The following NFATC1 variants were observed in gnomAD, a reference collection of about 807,000 sequenced individuals.
The protein encoded by NFATC1 is nuclear factor of activated T cells 1, also known as nuclear factor of activated T-cells, cytoplasmic 1.
A neutral mutation model predicts 76.0 loss-of-function variants in NFATC1; 22 were observed. That is an observed-to-expected ratio of 0.29 (90% CI 0.21 to 0.41). NFATC1 has a LOEUF of 0.41. Ranked by LOEUF, NFATC1 falls within the 10% of genes least tolerant of loss-of-function variation. The pLI is 1.00. For missense variants in NFATC1, 1,357 were observed against 1,337.7 expected (o/e 1.01, Z -0.23); for synonymous variants, 704 against 613.1 (o/e 1.15, Z -2.19).
At chr18:79,400,448 G>A (rs1422179608) in intron 1 of NFATC1, 2 of 1,491,044 alleles carry the variant, frequency 1.3e-6, no homozygotes, top group Admixed American at 2.3e-5. Context: ...AGTTTAACCA[G>A]CGCGACGAGG....
At chr18:79,400,435 T>C in intron 1 of NFATC1, 2 of 1,494,824 alleles carry the variant, frequency 1.3e-6, no homozygotes, top group Non-Finnish European at 1.8e-6. Context: ...GAGTTCCTCT[T>C]CGAGTTTAAC....
chr18:79,406,233 A>G (rs4321258), intron 1 of NFATC1, among the ~76,000 whole-genome samples: 2 of 152,254 alleles, frequency 1.3e-5, no homozygotes, highest in Non-Finnish European at 2.9e-5. Flanking sequence ...CTGTGGGATC[A>G]GCTGTCTTGG....
At chr18:79,399,535 C>A (rs904164785) in intron 1 of NFATC1, among the ~76,000 whole-genome samples, 1 of 152,168 alleles carries the variant, frequency 6.6e-6, no homozygotes, top group East Asian at 1.9e-4. Context: ...GAGAGGCAGG[C>A]CCAGGGCGGC....
chr18:79,427,669 G>A (rs2086418326), intron 2 of NFATC1, among the ~76,000 whole-genome samples: 4 of 104,702 alleles, frequency 3.8e-5, no homozygotes, highest in Admixed American at 9.3e-5. Context: ...GCCTCTGTGT[G>A]GTGTGGGGGC....
chr18:79,486,212 C>G (rs749683305), intron 8 of NFATC1, 36 bp from the exon 9 acceptor site: 10 of 1,575,850 alleles, frequency 6.3e-6, no homozygotes, highest in Non-Finnish European at 6.1e-6. Context: ...TCATTCGCAA[C>G]TTGTGTTTAT....
intron 3 of NFATC1, among the ~76,000 whole-genome samples, chr18:79,436,242 C>T (rs1008644635): frequency 5.9e-5 from 9 of 152,202 alleles, no homozygotes; most frequent in African/African-American, 2.2e-4. Context: ...GGCCTGGGGG[C>T]GCGAGGACGA....
At chr18:79,406,900 G>A (rs1309237218) in intron 1 of NFATC1, among the ~76,000 whole-genome samples, 3 of 152,328 alleles carry the variant, frequency 2.0e-5, no homozygotes, top group Admixed American at 2.0e-4. Context: ...GCAGACGTCA[G>A]GGCTGGCCTG....
chr18:79,427,866 G>A (rs866345221), intron 2 of NFATC1, among the ~76,000 whole-genome samples: 16 of 145,100 alleles, frequency 1.1e-4, no homozygotes, highest in African/African-American at 3.8e-4. Flanking sequence ...AGGGGGAGCT[G>A]GACGGCTGGC....
chr18:79,427,124 G>C (rs545438843), intron 2 of NFATC1, among the ~76,000 whole-genome samples: 3 of 152,280 alleles, frequency 2.0e-5, no homozygotes, highest in East Asian at 3.9e-4. Context: ...GTCTTGGCAG[G>C]GGGGCCCGGG....
intron 3 of NFATC1, among the ~76,000 whole-genome samples, chr18:79,441,686 C>T (rs935255691): frequency 7.2e-5 from 11 of 152,074 alleles, no homozygotes; most frequent in Non-Finnish European, 1.3e-4. Flanking sequence ...TCAGGCGACG[C>T]GACTCTCAGT....
In NFATC1 at chr18:79,469,409, C is replaced by T. The variant is rs74949301; in HGVS notation, c.2092+1827C>T. ...AGAGGCAGAAGGGGCGTGCGGGGAG[C>T]GTGCCTGCCCTTCACAGGTGGGAGG... On this transcript the variant is annotated intron_variant, in intron 8 of 9. Coordinates refer to ENST00000427363, the MANE Select transcript of NFATC1 (RefSeq NM_001278669.2). 8.1e-6 allele frequency: 8 copies of T among 985,408 alleles called. No homozygotes were observed. In the East Asian group the frequency reaches 4.5e-4, roughly 56 times the overall value. The allele number at this position is 985,408 out of a possible 1,614,324, so 61.0% of individuals were successfully genotyped here.
chr18:79,433,690 C>G lies in NFATC1; in HGVS notation c.1338C>G (p.Gly446=). The part of the protein sequence containing the change: ...SHHRAHYETE[G]SRGAVKASAG... ...ACCGAGCCCACTACGAGACGGAGGG[C>G]AGCCGGGGGGCCGTGAAGGCGTCGG... Residue 446 remains glycine (G), a synonymous_variant, in exon 3 of 10, where the codon GGC becomes GGG. Coordinates refer to ENST00000427363, the MANE Select transcript of NFATC1 (RefSeq NM_001278669.2). 6.2e-7 allele frequency: 1 copy of G among 1,613,196 alleles called. No individual in the cohort carries two copies. The highest frequency in any genetic ancestry group is 2.2e-5 in the East Asian group (1 of 44,868).
chr18:79,528,932 G>T lies in NFATC1; in HGVS notation c.*1355G>T, dbSNP rs773945975. On this transcript the variant is annotated 3_prime_UTR_variant, in exon 10 of 10. Transcript: ENST00000427363. The stretch of plus-strand genomic sequence containing the variant: ...ATTGAAACACGGTTGACCTGAACTC[G>T]TGCCTTAGGAATTAATGCCCCCTTA... 1.3e-5 allele frequency: 2 copies of T among 152,570 alleles called. No homozygotes were observed. Among genetic ancestry groups the T allele is most frequent in the African/African-American group, 4.8e-5 (2 of 41,424 alleles). 9.5% of individuals were successfully genotyped at this position (152,570 alleles called of 1,614,324 possible). A position where few individuals can be genotyped will look rare whatever the true frequency, so the allele number is the denominator to read the frequency against.
At chr18:79,469,568 G>C (rs948787499) in intron 8 of NFATC1, 1 of 985,732 alleles carries the variant, frequency 1.0e-6, no homozygotes, top group East Asian at 1.1e-4. Flanking sequence ...ATTGGCCCCG[G>C]CTCCCCTCTC....
intron 9 of NFATC1, among the ~76,000 whole-genome samples, chr18:79,498,846 C>T (rs183955044): frequency 8.5e-5 from 13 of 152,298 alleles, no homozygotes; most frequent in East Asian, 1.9e-4. Flanking sequence ...TCGTGGATGT[C>T]GGAGGACAGT....
chr18:79,434,714 G>A (rs1600702703), intron 3 of NFATC1, among the ~76,000 whole-genome samples: 1 of 152,242 alleles, frequency 6.6e-6, no homozygotes, highest in South Asian at 2.1e-4. Context: ...AGAGTGCCTC[G>A]TATTTTTATT....
At chr18:79,399,095 G>C (rs1481318629) in intron 1 of NFATC1, among the ~76,000 whole-genome samples, 1 of 152,252 alleles carries the variant, frequency 6.6e-6, no homozygotes, top group Admixed American at 6.5e-5. Context: ...ACAATGGAAA[G>C]AGAATGAAAC....
chr18:79,436,903 G>A (rs539307089), intron 3 of NFATC1, among the ~76,000 whole-genome samples: 131 of 152,268 alleles, frequency 8.6e-4, no homozygotes, highest in Non-Finnish European at 1.6e-3. Context: ...TTCCCACGCC[G>A]GGGAGAGACC....
chr18:79,396,245 A>C lies in NFATC1; in HGVS notation c.21A>C (p.Pro7=), dbSNP rs1290978606. MPSTSF[P]VPSKFPLGPA... ...CGCGGATGCCAAGCACCAGCTTTCC[A>C]GTCCCTTCCAAGTTTCCACTTGGCC... is the stretch of plus-strand genomic sequence containing the variant. The change falls in exon 1 of 10, where the codon CCA becomes CCC. Residue 7 remains proline, a synonymous_variant. Coordinates refer to ENST00000427363, the MANE Select transcript of NFATC1 (RefSeq NM_001278669.2). The C allele has an allele frequency of 1.3e-6, 2 of 1,495,862 alleles. No individual in the cohort carries two copies. Among genetic ancestry groups the C allele is most frequent in the Non-Finnish European group, 1.8e-6 (2 of 1,115,336 alleles). The allele number at this position is 1,495,862 out of a possible 1,614,324, so 92.7% of individuals were successfully genotyped here. A position where few individuals can be genotyped will look rare whatever the true frequency, so the allele number is the denominator to read the frequency against.
Sources: allele counts gnomAD v4.1 joint callset (sites outside exome capture counted in the v4.1 genomes callset), GRCh38; gene constraint gnomAD v4.1.1; transcripts MANE v1.5; gene names NCBI Gene and HGNC (gene_info 2026-07-23, HGNC 2026-07-21).